GSE1: variants seen among roughly 807,000 people sequenced by gnomAD.
GSE1 encodes the protein genetic suppressor element 1.
In GSE1, 32 loss-of-function variants were observed where a neutral mutation model predicts 112.6. That is an observed-to-expected ratio of 0.28 (90% CI 0.21 to 0.38). The LOEUF is 0.38. Ranked by LOEUF, GSE1 falls within the 10% of genes least tolerant of loss-of-function variation. The probability of loss-of-function intolerance (pLI) is 1.00; values close to 1 mark genes in which losing one functional copy is unlikely to be tolerated. For missense variants in GSE1, 2,348 were observed against 1,699.2 expected, an observed-to-expected ratio of 1.38 and a Z score of -6.71; for synonymous variants, 1,115 against 735.6, an observed-to-expected ratio of 1.52 and a Z score of -8.35.
chr16:85,509,324 C>T (rs568744724), intron 2 of GSE1, among the ~76,000 whole-genome samples: 1 of 152,158 alleles, frequency 6.6e-6, no homozygotes, highest in Non-Finnish European at 1.5e-5. Context: ...GGGCTGCGGT[C>T]TTCAGAGGCT....
intron 2 of GSE1, among the ~76,000 whole-genome samples, chr16:85,484,765 C>T (rs2050781089): frequency 6.6e-6 from 1 of 152,268 alleles, no homozygotes. Context: ...GCCACTCCAC[C>T]TCTGCTCCAT....
rs1259675867 is a variant in GSE1 at position 85,673,850 on chromosome 16, C to CTAAG, written c.*1312_*1315dup. 1.3e-5 allele frequency: 2 copies of CTAAG among 152,212 alleles called. No individual in the cohort carries two copies. Among genetic ancestry groups the CTAAG allele is most frequent in the Non-Finnish European group, 2.9e-5 (2 of 68,060 alleles). 9.4% of individuals were successfully genotyped at this position (152,212 alleles called of 1,614,324 possible). On this transcript the variant is annotated 3_prime_UTR_variant, in exon 16 of 16. Coordinates refer to ENST00000253458, the MANE Select transcript of GSE1 (RefSeq NM_014615.5). Reference sequence around the variant, plus strand: ...AATGATTTCTGTGATTGATATAATTCTAAGGTGTCTGAGAGCAGGTACAGA... The same window carrying CTAAG: ...AATGATTTCTGTGATTGATATAATTCTAAGTAAGGTGTCTGAGAGCAGGTACAGA...
intron 1 of GSE1, among the ~76,000 whole-genome samples, chr16:85,329,380 G>A (rs1461085944): frequency 1.3e-5 from 2 of 152,254 alleles, no homozygotes; most frequent in East Asian, 3.9e-4. Context: ...ACATAGGGCG[G>A]GTGTGAGTCA....
chr16:85,569,073 G>A (rs1715189634), intron 1 of GSE1, among the ~76,000 whole-genome samples: 3 of 152,294 alleles, frequency 2.0e-5, no homozygotes, highest in South Asian at 4.1e-4. Context: ...CCAAATTCAA[G>A]CCTTCTTGAA....
At chr16:85,533,521 A>G (rs2044207516) in intron 2 of GSE1, among the ~76,000 whole-genome samples, 1 of 152,092 alleles carries the variant, frequency 6.6e-6, no homozygotes, top group Non-Finnish European at 1.5e-5. Context: ...TCAAATAAAT[A>G]TGCATATGTT....
chr16:85,356,675 A>G (rs2046957101), intron 1 of GSE1, among the ~76,000 whole-genome samples: 1 of 152,208 alleles, frequency 6.6e-6, no homozygotes, highest in African/African-American at 2.4e-5. Context: ...TTATTTTTGT[A>G]AAGATGGGGT....
intron 1 of GSE1, among the ~76,000 whole-genome samples, chr16:85,622,385 TC>T (rs113304916): frequency 0.042 from 6,332 of 152,250 alleles, 383 homozygotes; most frequent in African/African-American, 0.13. Flanking sequence ...CCTTTCTTTT[TC>T]CACCCTGTAT....
At chr16:85,613,900 G>A (rs1598385015) in intron 1 of GSE1, among the ~76,000 whole-genome samples, 2 of 151,128 alleles carry the variant, frequency 1.3e-5, no homozygotes, top group African/African-American at 2.4e-5. Flanking sequence ...CGCCGGTTAG[G>A]GTTCTTGTCT....
rs1049723544 is a variant in GSE1 at position 85,419,250 on chromosome 16, G to A, written c.2464+61607G>A. Among the ~76,000 whole-genome samples the A allele has an allele frequency of 1.3e-5, 2 of 152,160 alleles. No homozygotes were observed. Among genetic ancestry groups the A allele is most frequent in the African/African-American group, 4.8e-5 (2 of 41,430 alleles). On this transcript the variant is annotated intron_variant, in intron 2 of 2. Coordinates refer to the GSE1 transcript ENST00000637419. This position sits in a 1 kb window ranked among gnomAD's most constrained non-coding sequence, Gnocchi z 6.5. Reference sequence around the variant, plus strand: ...TGCCCGGGCCCTGCCCTTACAAAAGGTTCACCTCATAGAGGGCGCTAGAGG... The same window carrying A: ...TGCCCGGGCCCTGCCCTTACAAAAGATTCACCTCATAGAGGGCGCTAGAGG...
chr16:85,671,989 C>T (rs1598735033), intron 15 of GSE1: 1 of 204,914 alleles, frequency 4.9e-6, no homozygotes, highest in South Asian at 6.5e-5. Context: ...AGAACACAGG[C>T]TGAGAAGTGG....
chr16:85,396,039 A>G (rs1002563341), intron 2 of GSE1, among the ~76,000 whole-genome samples: 1 of 152,198 alleles, frequency 6.6e-6, no homozygotes, highest in African/African-American at 2.4e-5. Flanking sequence ...CTGCTTCTAG[A>G]ACCTTCTCTT....
rs2053597244 is a variant in GSE1, at chr16:85,674,891, G to A, written c.*2352G>A. The A allele has an allele frequency of 1.3e-5, 2 of 152,586 alleles. No individual in the cohort carries two copies. Among genetic ancestry groups the A allele is most frequent in the South Asian group, 4.1e-4 (2 of 4,828 alleles). The allele number at this position is 152,586 out of a possible 1,614,324, so 9.5% of individuals were successfully genotyped here. A position where few individuals can be genotyped will look rare whatever the true frequency, so the allele number is the denominator to read the frequency against. ...TGTCTCCCCATCCTTCCACCTACTT[G>A]TGGCGATCTGAGTACTCTACTCTTG... On this transcript the variant is annotated 3_prime_UTR_variant, in exon 16 of 16. Coordinates refer to ENST00000253458, the MANE Select transcript of GSE1 (RefSeq NM_014615.5).
At chr16:85,492,932 CTG>C (rs1440565510) in intron 2 of GSE1, among the ~76,000 whole-genome samples, 2 of 152,188 alleles carry the variant, frequency 1.3e-5, no homozygotes, top group Non-Finnish European at 2.9e-5. Context: ...CTTATCGTCT[CTG>C]TGTGTGTTGG....
chr16:85,326,462 G>T (rs1308799364), intron 1 of GSE1, among the ~76,000 whole-genome samples: 2 of 152,212 alleles, frequency 1.3e-5, no homozygotes, highest in Non-Finnish European at 2.9e-5. Context: ...CAGGTCCTGG[G>T]AAGGACCCCA....
chr16:85,581,322 G>A (rs1372485393), intron 1 of GSE1, among the ~76,000 whole-genome samples: 1 of 152,218 alleles, frequency 6.6e-6, no homozygotes, highest in African/African-American at 2.4e-5. Context: ...CAGCTTGGAA[G>A]CAGGGGGATG....
At chr16:85,610,955 A>G (rs1290086434), upstream of GSE1, among the ~76,000 whole-genome samples, 1 of 152,194 alleles carries the variant, frequency 6.6e-6, no homozygotes, top group Non-Finnish European at 1.5e-5. Flanking sequence ...GCCACTCCAC[A>G]CGTTTTTGTG....
intron 2 of GSE1, among the ~76,000 whole-genome samples, chr16:85,386,970 C>T (rs1342414568): frequency 6.6e-6 from 1 of 152,162 alleles, no homozygotes; most frequent in African/African-American, 2.4e-5. Flanking sequence ...CTGGGGCTCC[C>T]TGGGGCCACG....
chr16:85,652,345 C>T (rs1413301344), intron 3 of GSE1, among the ~76,000 whole-genome samples: 1 of 152,246 alleles, frequency 6.6e-6, no homozygotes. Context: ...CTGGAGACCC[C>T]AAGGCCAGGC....
intron 2 of GSE1, among the ~76,000 whole-genome samples, chr16:85,456,796 C>G (rs908961706): frequency 6.6e-6 from 1 of 151,986 alleles, no homozygotes; most frequent in Admixed American, 6.6e-5. Flanking sequence ...AGGGTCCTGG[C>G]GGGGAGAACC....
Sources: allele counts gnomAD v4.1 joint callset (sites outside exome capture counted in the v4.1 genomes callset), GRCh38; gene constraint gnomAD v4.1.1; non-coding constraint Gnocchi (gnomAD v3.1); transcripts MANE v1.5; gene names NCBI Gene and HGNC (gene_info 2026-07-23, HGNC 2026-07-21).